Variants in STK24 observed in about 807,000 individuals in gnomAD.
STK24 encodes serine/threonine-protein kinase 24.
STK24 carries 21 observed loss-of-function variants against 55.6 expected under a neutral mutation model. The observed-to-expected ratio is 0.38, with a 90% CI of 0.27 to 0.54. The LOEUF is 0.54. Among genes scored for constraint, STK24 ranks in the 20% least tolerant of loss-of-function variants. STK24 has a pLI of 0.79. For synonymous variants in STK24, 200 were observed against 215.2 expected (o/e 0.93, Z 0.62); for missense variants, 383 against 538.4 (o/e 0.71, Z 2.86).
chr13:98,524,815 G>C (rs578121512), intron 1 of STK24, among the ~76,000 whole-genome samples: 57 of 152,290 alleles, frequency 3.7e-4, no homozygotes, highest in African/African-American at 1.4e-3. Flanking sequence ...AGACGGCTTA[G>C]AAAACAGCAA....
Position 98,447,164 on chromosome 13 carries a change from G to GAAATGCAACAGTC in STK24, c.*5996_*6008dup. On this transcript the variant is annotated 3_prime_UTR_variant, in exon 11 of 11. Coordinates refer to ENST00000539966, the MANE Select transcript of STK24 (RefSeq NM_001032296.4). Reference sequence around the variant, plus strand: ...CTGCAGACTTCATTTAGCCAAGAAAGAAATGCAACAGTCAGGCCTAAGACT... The same window carrying GAAATGCAACAGTC: ...CTGCAGACTTCATTTAGCCAAGAAAGAAATGCAACAGTCAAATGCAACAGTCAGGCCTAAGACT... 4.8e-6 allele frequency: 1 copy of GAAATGCAACAGTC among 209,918 alleles called. No homozygotes were observed. Among genetic ancestry groups the GAAATGCAACAGTC allele is most frequent in the Non-Finnish European group, 9.6e-6 (1 of 103,840 alleles). The allele number at this position is 209,918 out of a possible 1,614,324, so 13.0% of individuals were successfully genotyped here. A position where few individuals can be genotyped will look rare whatever the true frequency, so the allele number is the denominator to read the frequency against.
At position 98,563,126 on chromosome 13, in the gene STK24, A is replaced by C. The variant is rs1348112070; in HGVS notation, c.42+13619T>G. ...AACCAGGGATGCCACTTGGAGAACTAGTTTTCAACTGAAGTTGTTTAAACT... is the reference window on the plus strand; with the variant it reads ...AACCAGGGATGCCACTTGGAGAACTCGTTTTCAACTGAAGTTGTTTAAACT... On this transcript the variant is annotated intron_variant, in intron 1 of 10. Coordinates refer to ENST00000539966, the MANE Select transcript of STK24 (RefSeq NM_001032296.4). 3.9e-5 allele frequency among the ~76,000 whole-genome samples: 6 copies of C among 152,072 alleles called. No individual in the cohort carries two copies. In the East Asian group the frequency reaches 1.2e-3, roughly 29 times the overall value.
chr13:98,494,137 C>T (rs2139329497), intron 2 of STK24, among the ~76,000 whole-genome samples: 1 of 144,820 alleles, frequency 6.9e-6, no homozygotes, highest in South Asian at 2.3e-4. Context: ...CTCGGCCGGG[C>T]ACGGTGGCTC....
At chr13:98,565,731 T>C (rs945675498) in intron 1 of STK24, among the ~76,000 whole-genome samples, 1 of 151,624 alleles carries the variant, frequency 6.6e-6, no homozygotes, top group Non-Finnish European at 1.5e-5. Context: ...TGAAAGGCAA[T>C]GAACAGGAGC....
rs1896923519 is a variant in STK24 at position 98,542,768 on chromosome 13, T to G, written c.43-23295A>C. ...CAGCCCACAGCCCTAGAAAGGCTGA[T>G]GGTGCAATCTACTTTCTATGCGTTT... On this transcript the variant is annotated intron_variant, in intron 1 of 10. Transcript: ENST00000539966. 3.2e-6 allele frequency: 3 copies of G among 929,028 alleles called. No individual in the cohort carries two copies. The African/African-American group carries it at 5.3e-5, about 17-fold the overall frequency. 57.5% of individuals were successfully genotyped at this position (929,028 alleles called of 1,614,324 possible). A position where few individuals can be genotyped will look rare whatever the true frequency, so the allele number is the denominator to read the frequency against.
intron 1 of STK24, among the ~76,000 whole-genome samples, chr13:98,523,247 G>T (rs1412636912): frequency 6.6e-6 from 1 of 152,156 alleles, no homozygotes; most frequent in Non-Finnish European, 1.5e-5. Context: ...ACCCCCTCCA[G>T]TAAACTGTCC....
rs371390357 is a variant in STK24, at chr13:98,479,594, G to A, written c.330+2671C>T. ...TCCTTCGCTCTGATACGTGGGGCCC[G>A]AGATTTATGTATATGCCATGTTGTC... is the stretch of plus-strand genomic sequence containing the variant. On this transcript the variant is annotated intron_variant, in intron 3 of 10. Transcript: ENST00000539966. Among the ~76,000 whole-genome samples, 18 of 152,226 alleles carry A rather than the reference G, an allele frequency of 1.2e-4. 1 individual carries two copies. In the South Asian group the frequency reaches 1.9e-3, roughly 16 times the overall value.
intron 5 of STK24, among the ~76,000 whole-genome samples, chr13:98,467,379 T>G (rs547971592): frequency 5.3e-5 from 8 of 152,242 alleles, no homozygotes; most frequent in African/African-American, 1.9e-4. Context: ...AATTCCTTAA[T>G]GTCATGTATA....
At chr13:98,458,435 C>T (rs764457585) in intron 9 of STK24, among the ~76,000 whole-genome samples, 3 of 152,202 alleles carry the variant, frequency 2.0e-5, no homozygotes, top group Admixed American at 1.3e-4. Flanking sequence ...CTAAGAGCAA[C>T]GGCTTCTCTC....
At chr13:98,551,416 T>C (rs1338026266) in intron 1 of STK24, among the ~76,000 whole-genome samples, 2 of 152,010 alleles carry the variant, frequency 1.3e-5, no homozygotes, top group Non-Finnish European at 2.9e-5. Context: ...ATCTAATCCA[T>C]TAAGGAGACT....
chr13:98,492,505 C>T (rs776863078), intron 2 of STK24, among the ~76,000 whole-genome samples: 175 of 152,340 alleles, frequency 1.1e-3, no homozygotes, highest in Non-Finnish European at 2.0e-3. Context: ...CACCGGCCCA[C>T]CCCTAGCAAT....
rs1247579628 is a variant in STK24, at chr13:98,515,587, A to AG, written c.273+3655dup. 6.6e-5 allele frequency among the ~76,000 whole-genome samples: 10 copies of AG among 152,084 alleles called. No individual in the cohort carries two copies. In the East Asian group the frequency reaches 1.4e-3, roughly 21 times the overall value. On this transcript the variant is annotated intron_variant, in intron 2 of 10. Transcript: ENST00000539966. ...ATTCTAGCCCTTGTTTTCAATCTTT[A>AG]GGGGAAAAAAAATGCTACAAAGCAA...
At chr13:98,542,361 A>G (rs1332566560) in intron 1 of STK24, among the ~76,000 whole-genome samples, 2 of 151,946 alleles carry the variant, frequency 1.3e-5, no homozygotes, top group Non-Finnish European at 2.9e-5. Flanking sequence ...GACAAAAACA[A>G]TACATTCATC....
At position 98,554,499 on chromosome 13, in the gene STK24, G is replaced by A. The variant is rs1360695358; in HGVS notation, c.42+22246C>T. Reference sequence around the variant, plus strand: ...AAATCAACTAAAAGCAAATCACCTAGATAAAACTCCAAAATCCCTTTCCCC... The same window carrying A: ...AAATCAACTAAAAGCAAATCACCTAAATAAAACTCCAAAATCCCTTTCCCC... On this transcript the variant is annotated intron_variant, in intron 1 of 10. Coordinates refer to ENST00000539966, the MANE Select transcript of STK24 (RefSeq NM_001032296.4). 2.0e-5 allele frequency among the ~76,000 whole-genome samples: 3 copies of A among 152,120 alleles called. No homozygotes were observed. In the East Asian group the frequency reaches 5.8e-4, roughly 29 times the overall value.
chr13:98,463,683 C>T lies in STK24; in HGVS notation c.929+8G>A, dbSNP rs570729788. 1.9e-6 allele frequency: 3 copies of T among 1,612,690 alleles called. No homozygotes were observed. The highest frequency in any genetic ancestry group is 1.1e-5 in the South Asian group (1 of 90,944). ...ACACATGCTTGGGTCACTCAGGGGC[C>T]GACTTACGCGTCGGAATCCTCGGAG... On this transcript the variant is annotated splice_region_variant and intron_variant, in intron 7 of 10. Transcript: ENST00000539966.
chr13:98,555,982 C>T (rs1897280565), intron 1 of STK24, among the ~76,000 whole-genome samples: 1 of 150,790 alleles, frequency 6.6e-6, no homozygotes, highest in Admixed American at 6.6e-5. Flanking sequence ...GTGCGGGCTA[C>T]CAGCCTCCCT....
chr13:98,457,093 C>A lies in STK24; in HGVS notation c.1259+75G>T. On this transcript the variant is annotated intron_variant, in intron 10 of 10. Transcript: ENST00000539966. Reference sequence around the variant, plus strand: ...GAACAGACAGGCCAAGAATCAAGTACCAAACTCATCAACTAAGTCCCAGCC... The same window carrying A: ...GAACAGACAGGCCAAGAATCAAGTAACAAACTCATCAACTAAGTCCCAGCC... The A allele has an allele frequency of 2.6e-6, 4 of 1,549,146 alleles. No individual in the cohort carries two copies. In the South Asian group the frequency reaches 4.7e-5, roughly 18 times the overall value.
At chr13:98,468,228 G>A (rs965729049) in intron 5 of STK24, among the ~76,000 whole-genome samples, 1 of 152,238 alleles carries the variant, frequency 6.6e-6, no homozygotes, top group Non-Finnish European at 1.5e-5. Flanking sequence ...TCTCAGTGAA[G>A]ATGAAAAGCT....
intron 3 of STK24, among the ~76,000 whole-genome samples, chr13:98,478,725 C>T (rs1257374625): frequency 2.0e-5 from 3 of 152,236 alleles, no homozygotes; most frequent in African/African-American, 7.2e-5. Flanking sequence ...TCAAACATCT[C>T]TGCCTGATTA....
Sources: allele counts gnomAD v4.1 joint callset (sites outside exome capture counted in the v4.1 genomes callset), GRCh38; gene constraint gnomAD v4.1.1; transcripts MANE v1.5; gene names NCBI Gene and HGNC (gene_info 2026-07-23, HGNC 2026-07-21).